The following EVC2 variants were observed in gnomAD, a reference collection of about 807,000 sequenced individuals.
EVC2 encodes the protein limbin.
Under a neutral mutation model 149.3 loss-of-function variants are expected in EVC2, and 148 were observed. The observed-to-expected ratio is 0.99, with a 90% CI of 0.87 to 1.14. The LOEUF (loss-of-function observed/expected upper bound fraction) is 1.14, where lower values mean the gene tolerates loss of function less well. EVC2 is among the 50% of genes most tolerant of loss of function. The pLI, the probability that EVC2 is intolerant of heterozygous loss-of-function variation, is 0.00. For missense variants in EVC2, 1,854 were observed against 1,627.3 expected (o/e 1.14, Z -2.40); for synonymous variants, 776 against 649.9 (o/e 1.19, Z -2.95).
chr4:5,606,994 A>T (rs895275380), intron 16 of EVC2, among the ~76,000 whole-genome samples: 1 of 152,232 alleles, frequency 6.6e-6, no homozygotes. Context: ...AGAAGTCCGG[A>T]AAGGCTTATA....
rs778954685 is a variant in EVC2 at position 5,576,344 on chromosome 4, C to G, written c.3168G>C (p.Gly1056=). 23 of 1,614,082 alleles carry G rather than the reference C, an allele frequency of 1.4e-5. 1 individual carries two copies. In the East Asian group the frequency reaches 4.9e-4, roughly 34 times the overall value. ...CCACCTCCCCAGGTTCGTTCAGAATCCCGGGCCCATCGGCCACCCACTGCT... is the reference window on the plus strand; with the variant it reads ...CCACCTCCCCAGGTTCGTTCAGAATGCCGGGCCCATCGGCCACCCACTGCT... The part of the protein sequence containing the change: ...SWQQWVADGP[G]ILNEPGEVDS... Residue 1056 remains glycine, a synonymous_variant, in exon 18 of 22, where the codon GGG becomes GGC. Coordinates refer to ENST00000344408, the MANE Select transcript of EVC2 (RefSeq NM_147127.5). This position sits in a 1 kb window ranked among gnomAD's most constrained non-coding sequence, Gnocchi z 4.5.
chr4:5,644,989 G>A (rs974471830), intron 9 of EVC2, among the ~76,000 whole-genome samples: 2 of 152,198 alleles, frequency 1.3e-5, no homozygotes, highest in Non-Finnish European at 2.9e-5. Flanking sequence ...ATAAACATGA[G>A]AATGCAGATA....
intron 7 of EVC2, among the ~76,000 whole-genome samples, chr4:5,674,268 C>T (rs1195677643): frequency 1.3e-5 from 2 of 152,126 alleles, no homozygotes; most frequent in African/African-American, 2.4e-5. Flanking sequence ...CGCAGCTTTG[C>T]TAATTTCCCA....
the EVC2 span, among the ~76,000 whole-genome samples, chr4:5,535,631 G>GAGAGAGAGAGAGAGAGAC: frequency 4.3e-3 from 645 of 150,764 alleles, 2 homozygotes; most frequent in Non-Finnish European, 6.1e-3. This position sits in a 1 kb window ranked among gnomAD's most constrained non-coding sequence, Gnocchi z 4.7. Flanking sequence ...GAGAGAGAGA[G>GAGAGAGAGAGAGAGAGAC]AGAAAGAGAT....
At chr4:5,648,179 T>C (rs1717863963) in intron 9 of EVC2, among the ~76,000 whole-genome samples, 1 of 152,172 alleles carries the variant, frequency 6.6e-6, no homozygotes, top group Admixed American at 6.5e-5. Flanking sequence ...TCAGAATTCT[T>C]CCCTTCTAGC....
At chr4:5,676,594 T>C (rs1455749921) in intron 7 of EVC2, among the ~76,000 whole-genome samples, 4 of 152,072 alleles carry the variant, frequency 2.6e-5, no homozygotes, top group Non-Finnish European at 5.9e-5. Context: ...CATACAAGAG[T>C]AGTGTTTGGT....
chr4:5,670,007 G>T lies in EVC2; in HGVS notation c.871-4358C>A, dbSNP rs1004386343. Among the ~76,000 whole-genome samples, 3 of 152,124 alleles carry T rather than the reference G, an allele frequency of 2.0e-5. No homozygotes were observed. Among genetic ancestry groups the T allele is most frequent in the Non-Finnish European group, 4.4e-5 (3 of 68,014 alleles). ...ACCTCCATGGGGCAAACCCACTCAT[G>T]ACCCTCATTTTCTTCATTTATCTGT... On this transcript the variant is annotated intron_variant, in intron 7 of 21. Coordinates refer to ENST00000344408, the MANE Select transcript of EVC2 (RefSeq NM_147127.5). This position sits in a 1 kb window ranked among gnomAD's most constrained non-coding sequence, Gnocchi z 5.2.
At chr4:5,685,737 T>TG (rs1560224234) in intron 5 of EVC2, among the ~76,000 whole-genome samples, 2 of 152,024 alleles carry the variant, frequency 1.3e-5, no homozygotes, top group African/African-American at 4.8e-5. Context: ...CATTCACGAG[T>TG]GGGGGTGCAC....
At chr4:5,695,672 T>C (rs1721431262) in intron 2 of EVC2, among the ~76,000 whole-genome samples, 4 of 152,370 alleles carry the variant, frequency 2.6e-5, no homozygotes, top group African/African-American at 9.6e-5. Context: ...ATGTATCCAA[T>C]GCTTCAAGTC....
chr4:5,595,618 C>G (rs1057456260), intron 16 of EVC2, among the ~76,000 whole-genome samples: 3 of 152,122 alleles, frequency 2.0e-5, no homozygotes, highest in African/African-American at 7.2e-5. Context: ...AAAATCAAGC[C>G]AAATTGTAAA....
chr4:5,684,450 C>T (rs1221746599), intron 6 of EVC2, among the ~76,000 whole-genome samples: 3 of 152,178 alleles, frequency 2.0e-5, no homozygotes, highest in Admixed American at 1.3e-4. Flanking sequence ...CTATGAGCCT[C>T]ATCTTCCATG....
At chr4:5,568,778 C>G in intron 19 of EVC2, 138 bp from the exon 20 acceptor site, 2 of 1,137,244 alleles carry the variant, frequency 1.8e-6, no homozygotes, top group Non-Finnish European at 2.5e-6. Flanking sequence ...AACATGTTCC[C>G]GAACTTTCAG....
In EVC2 at chr4:5,581,572, C is replaced by T. The variant is rs370754594; in HGVS notation, c.3057+3051G>A. Among the ~76,000 whole-genome samples, 16 of 152,200 alleles carry T rather than the reference C, an allele frequency of 1.1e-4. No homozygotes were observed. In the East Asian group the frequency reaches 3.1e-3, roughly 29 times the overall value. ...TCTGCTGGAAGAAATATCTAAGCAG[C>T]AAAGCATTCAAGATGTAACCTGGCT... On this transcript the variant is annotated intron_variant, in intron 17 of 21. Transcript: ENST00000344408.
intron 7 of EVC2, among the ~76,000 whole-genome samples, chr4:5,673,819 A>G (rs1719822119): frequency 6.6e-6 from 1 of 152,238 alleles, no homozygotes; most frequent in Non-Finnish European, 1.5e-5. Context: ...ATATATTCAC[A>G]GTCTTGTGGA....
rs376457468 is a variant in EVC2, at chr4:5,631,743, A to G, written c.1710+50T>C. On this transcript the variant is annotated intron_variant, in intron 11 of 21. Coordinates refer to ENST00000344408, the MANE Select transcript of EVC2 (RefSeq NM_147127.5). ...ACTCTGAGAGAGGAGACATTTACTG[A>G]AACAATTCAGAAAAATTACTTTTCC... is the stretch of plus-strand genomic sequence containing the variant. 2.9e-5 allele frequency: 46 copies of G among 1,608,972 alleles called. No homozygotes were observed. In the African/African-American group the frequency reaches 5.9e-4, roughly 21 times the overall value.
chr4:5,557,688 C>T (rs1721861297), downstream of EVC2, among the ~76,000 whole-genome samples: 1 of 151,936 alleles, frequency 6.6e-6, no homozygotes, highest in South Asian at 2.1e-4. Flanking sequence ...AACAAAAAAC[C>T]CCCAAAACTA....
intron 16 of EVC2, among the ~76,000 whole-genome samples, chr4:5,586,462 A>C (rs971612389): frequency 1.3e-5 from 2 of 152,190 alleles, no homozygotes; most frequent in Admixed American, 6.5e-5. Flanking sequence ...TTCCAAAGTC[A>C]ACCTGAAAAA....
In EVC2 at chr4:5,679,763, C is replaced by T. The variant is rs1358176744; in HGVS notation, c.870+1497G>A. Among the ~76,000 whole-genome samples the T allele has an allele frequency of 6.6e-6, 1 of 152,032 alleles. No homozygotes were observed. Reference sequence around the variant, plus strand: ...TAAGCCCCACATGTAATTGCCCTTGCCCCCCATCCCCCGACAGGTCCCAGT... The same window carrying T: ...TAAGCCCCACATGTAATTGCCCTTGTCCCCCATCCCCCGACAGGTCCCAGT... On this transcript the variant is annotated intron_variant, in intron 7 of 21. Coordinates refer to ENST00000344408, the MANE Select transcript of EVC2 (RefSeq NM_147127.5). This position sits in a 1 kb window ranked among gnomAD's most constrained non-coding sequence, Gnocchi z 5.1.
the EVC2 span, among the ~76,000 whole-genome samples, chr4:5,529,268 C>A: frequency 1.3e-5 from 2 of 152,138 alleles, no homozygotes; most frequent in African/African-American, 4.8e-5. The surrounding 1 kb of genome is among the most constrained non-coding windows in gnomAD (Gnocchi z 4.5). Flanking sequence ...GTACATGGGT[C>A]AATTCAGCCT....
Sources: allele counts gnomAD v4.1 joint callset (sites outside exome capture counted in the v4.1 genomes callset), GRCh38; gene constraint gnomAD v4.1.1; non-coding constraint Gnocchi (gnomAD v3.1); transcripts MANE v1.5; gene names NCBI Gene and HGNC (gene_info 2026-07-23, HGNC 2026-07-21).